The following PTPN2 variants were observed in gnomAD, a reference collection of about 807,000 sequenced individuals.
The protein encoded by PTPN2 is tyrosine-protein phosphatase non-receptor type 2.
In PTPN2, 19 loss-of-function variants were observed where a neutral mutation model predicts 57.3. The observed-to-expected ratio is 0.33, with a 90% CI of 0.23 to 0.49. The LOEUF (loss-of-function observed/expected upper bound fraction) is 0.49, where lower values mean the gene tolerates loss of function less well. Ranked by LOEUF, PTPN2 falls within the 20% of genes least tolerant of loss-of-function variation. The probability of loss-of-function intolerance (pLI) is 0.99; values close to 1 mark genes in which losing one functional copy is unlikely to be tolerated. For synonymous variants in PTPN2, 153 were observed against 164.9 expected (o/e 0.93, Z 0.55); for missense variants, 358 against 501.1 (o/e 0.71, Z 2.73).
chr18:12,849,066 T>C (rs1202753538), intron 2 of PTPN2, among the ~76,000 whole-genome samples: 2 of 152,226 alleles, frequency 1.3e-5, no homozygotes, highest in Admixed American at 1.3e-4. Flanking sequence ...GTTCCCAATA[T>C]TTTTTTAAAA....
At chr18:12,881,362 A>G (rs8083786) in intron 1 of PTPN2, among the ~76,000 whole-genome samples, 40,255 of 152,064 alleles carry the variant, frequency 0.26, 7,386 homozygotes, top group African/African-American at 0.52. Context: ...ACTTGAACCC[A>G]GGAGGCAGAG....
intron 3 of PTPN2, among the ~76,000 whole-genome samples, chr18:12,834,707 A>T (rs2042789572): frequency 6.6e-6 from 1 of 151,348 alleles, no homozygotes; most frequent in Non-Finnish European, 1.5e-5. Context: ...AAAGGGCTGT[A>T]GTGCAGACTG....
intron 6 of PTPN2, among the ~76,000 whole-genome samples, chr18:12,815,410 CAAATAAATAAAT>C (rs748715634): frequency 3.3e-5 from 5 of 151,004 alleles, no homozygotes; most frequent in East Asian, 3.9e-4. Flanking sequence ...AACTTCGTCT[CAAATAAATAAAT>C]AAATAAATAA....
intron 3 of PTPN2, among the ~76,000 whole-genome samples, chr18:12,835,408 C>CTTTTTTTTTTTTTTTTTTTTTTTT (rs1555671271): frequency 2.6e-5 from 1 of 38,338 alleles, no homozygotes. Context: ...GACAGTTTTG[C>CTTTTTTTTTTTTTTTTTTTTTTTT]TCTTTCGCTC....
chr18:12,795,307 CGGGGT>C (rs1426259979), intron 8 of PTPN2, among the ~76,000 whole-genome samples: 1 of 151,714 alleles, frequency 6.6e-6, no homozygotes, highest in Non-Finnish European at 1.5e-5. Context: ...GTGGGGGAGG[CGGGGT>C]GGATGGAGTC....
intron 5 of PTPN2, among the ~76,000 whole-genome samples, chr18:12,823,615 C>A (rs1329287971): frequency 6.6e-6 from 1 of 152,120 alleles, no homozygotes; most frequent in Non-Finnish European, 1.5e-5. Flanking sequence ...GTGGAGGCTG[C>A]AATGAGCCAA....
rs1426037500 is a variant in PTPN2 at position 12,829,523 on chromosome 18, AG to A, written c.360+1419del. On this transcript the variant is annotated intron_variant, in intron 4 of 8. Coordinates refer to ENST00000309660, the MANE Select transcript of PTPN2 (RefSeq NM_002828.4). ...TGTCTCCAAAAAAAAAAAAAAAAAA[AG>A]AGGACTCAGGACCCAACCTAAAGAC... Among the ~76,000 whole-genome samples the A allele has an allele frequency of 6.3e-3, 882 of 140,886 alleles. 6 individuals carry two copies. Among genetic ancestry groups the A allele is most frequent in the African/African-American group, 0.022 (827 of 37,996 alleles). The allele number at this position is 140,886 out of a possible 152,430, so 92.4% of individuals were successfully genotyped here. A position where few individuals can be genotyped will look rare whatever the true frequency, so the allele number is the denominator to read the frequency against.
intron 1 of PTPN2, 117 bp from the exon 2 acceptor site, chr18:12,859,371 A>G (rs2043708679): frequency 4.7e-6 from 3 of 632,622 alleles, no homozygotes; most frequent in Non-Finnish European, 8.1e-6. Flanking sequence ...TACTATGGAA[A>G]GCACATTGTT....
intron 3 of PTPN2, among the ~76,000 whole-genome samples, chr18:12,831,922 A>G (rs2042683430): frequency 6.6e-6 from 1 of 152,222 alleles, no homozygotes; most frequent in South Asian, 2.1e-4. Context: ...GCCTATGTAC[A>G]AATTTTAACG....
chr18:12,827,186 AC>A (rs1485385886), intron 4 of PTPN2, among the ~76,000 whole-genome samples: 1 of 151,838 alleles, frequency 6.6e-6, no homozygotes, highest in Non-Finnish European at 1.5e-5. Context: ...TACTAAAAAT[AC>A]AACAAATTAG....
chr18:12,880,975 T>C (rs536270953), intron 1 of PTPN2, among the ~76,000 whole-genome samples: 2 of 152,328 alleles, frequency 1.3e-5, no homozygotes, highest in Admixed American at 6.5e-5. Flanking sequence ...GTATACCCCT[T>C]TACCATTTCA....
intron 7 of PTPN2, among the ~76,000 whole-genome samples, chr18:12,802,741 A>G (rs1598743425): frequency 6.6e-6 from 1 of 152,220 alleles, no homozygotes; most frequent in African/African-American, 2.4e-5. Flanking sequence ...AAGTGCTGAA[A>G]GATAACAACT....
intron 1 of PTPN2, among the ~76,000 whole-genome samples, chr18:12,859,901 C>T (rs1433053310): frequency 1.3e-5 from 2 of 152,170 alleles, no homozygotes; most frequent in Non-Finnish European, 2.9e-5. Context: ...GCCTGTAATC[C>T]CAACACTTTG....
At chr18:12,795,943 T>C (rs1174290795) in intron 8 of PTPN2, among the ~76,000 whole-genome samples, 1 of 151,966 alleles carries the variant, frequency 6.6e-6, no homozygotes, top group Non-Finnish European at 1.5e-5. Context: ...AAATCTTTTT[T>C]TTTTTTTTTC....
At chr18:12,855,726 G>C (rs555818056) in intron 2 of PTPN2, among the ~76,000 whole-genome samples, 1 of 152,214 alleles carries the variant, frequency 6.6e-6, no homozygotes, top group African/African-American at 2.4e-5. Context: ...GTCCACCCAA[G>C]GCACACGCTC....
chr18:12,834,061 T>A (rs1000479451), intron 3 of PTPN2, among the ~76,000 whole-genome samples: 2 of 152,120 alleles, frequency 1.3e-5, no homozygotes, highest in Non-Finnish European at 2.9e-5. Flanking sequence ...GCACGGTGGC[T>A]CACCCCTGTA....
intron 7 of PTPN2, 57 bp downstream of exon 7, chr18:12,814,146 T>TC: frequency 7.7e-7 from 1 of 1,293,690 alleles, no homozygotes; most frequent in South Asian, 1.3e-5. Context: ...AGTGCAGTTA[T>TC]TTGATGCTAT....
intron 1 of PTPN2, among the ~76,000 whole-genome samples, chr18:12,859,542 CAA>C (rs1435265798): frequency 6.6e-6 from 1 of 152,134 alleles, no homozygotes; most frequent in Non-Finnish European, 1.5e-5. Flanking sequence ...CTTCAGATGC[CAA>C]AGTCTGTGCT....
intron 8 of PTPN2, among the ~76,000 whole-genome samples, chr18:12,798,666 T>G (rs2041285203): frequency 6.6e-6 from 1 of 152,216 alleles, no homozygotes. Flanking sequence ...TGATAGGCAT[T>G]TAGATTGATT....
Sources: gnomAD v4.1 joint callset for allele counts (sites outside exome capture counted in the v4.1 genomes callset) on GRCh38, gnomAD v4.1.1 for gene constraint, MANE v1.5 for transcripts, NCBI Gene and HGNC (gene_info 2026-07-23, HGNC 2026-07-21) for gene names.